Variants in ADCY10 observed in about 807,000 individuals in gnomAD.
ADCY10 encodes adenylate cyclase 10, also known as adenylate cyclase type 10.
ADCY10 carries 156 observed loss-of-function variants against 183.3 expected under a neutral mutation model. The ratio of observed to expected loss-of-function variants is 0.85; its 90% CI spans 0.75 to 0.97. The LOEUF is 0.97. ADCY10 is among the 50% of genes least tolerant of loss of function. The pLI is 0.00. For synonymous variants in ADCY10, 645 were observed against 670.0 expected, an observed-to-expected ratio of 0.96 and a Z score of 0.58; for missense variants, 1,745 against 1,934.3, an observed-to-expected ratio of 0.90 and a Z score of 1.84.
At position 167,810,705 on chromosome 1, in the gene ADCY10, T is replaced by C. The variant is rs1280766482; in HGVS notation, c.4671+20A>G. 2 of 1,613,790 alleles carry C rather than the reference T, an allele frequency of 1.2e-6. No individual in the cohort carries two copies. Among genetic ancestry groups the C allele is most frequent in the Non-Finnish European group, 8.5e-7 (1 of 1,179,846 alleles). ...ATGGGTGAGCATCGCCACCCCGGTT[T>C]GCTAGCTGATGATACATACTTTGTT... On this transcript the variant is annotated intron_variant, in intron 32 of 32. Transcript: ENST00000367851.
At chr1:167,834,552 G>A (rs988694882) in intron 23 of ADCY10, 1 of 251,190 alleles carries the variant, frequency 4.0e-6, no homozygotes, top group Non-Finnish European at 7.9e-6. Context: ...GGTGGATGAG[G>A]AAGTAAGTCC....
intron 5 of ADCY10, among the ~76,000 whole-genome samples, 199 bp downstream of exon 5, chr1:167,901,463 T>C (rs1363385242): frequency 6.6e-6 from 1 of 152,222 alleles, no homozygotes; most frequent in Admixed American, 6.5e-5. Flanking sequence ...ATTAGGTAGA[T>C]ATTATGATTA....
intron 21 of ADCY10, among the ~76,000 whole-genome samples, chr1:167,842,404 T>C (rs543881499): frequency 1.3e-5 from 2 of 152,288 alleles, no homozygotes; most frequent in African/African-American, 4.8e-5. Context: ...CAAGTGATCC[T>C]TCCACCTCAG....
At position 167,845,941 on chromosome 1, in the gene ADCY10, A is replaced by G. The variant is rs1466007177; in HGVS notation, c.2716+44T>C. ...AACATAGGTCAATTCTTTGATCTAG[A>G]TGGGTCCTTAAGAGGAAATTGGGTC... On this transcript the variant is annotated intron_variant, in intron 20 of 32. Coordinates refer to ENST00000367851, the MANE Select transcript of ADCY10 (RefSeq NM_018417.6). 1.1e-5 allele frequency: 18 copies of G among 1,613,990 alleles called. No homozygotes were observed. The East Asian group carries it at 3.6e-4, about 32-fold the overall frequency.
intron 8 of ADCY10, among the ~76,000 whole-genome samples, chr1:167,891,356 A>G (rs1237607139): frequency 6.6e-6 from 1 of 151,842 alleles, no homozygotes; most frequent in Non-Finnish European, 1.5e-5. Context: ...AGGCACAGGG[A>G]AAATAAAGGA....
At chr1:167,830,382 CAAAA>C (rs201698835) in intron 25 of ADCY10, among the ~76,000 whole-genome samples, 1 of 95,442 alleles carries the variant, frequency 1.0e-5, no homozygotes, top group Admixed American at 1.0e-4. Flanking sequence ...TTTTAGTTTA[CAAAA>C]AAAAAAAAAA....
chr1:167,823,198 G>A, intron 28 of ADCY10, 75 bp from the exon 29 acceptor site: 2 of 1,287,704 alleles, frequency 1.6e-6, no homozygotes, highest in Non-Finnish European at 2.2e-6. Flanking sequence ...AGGCTGAGGT[G>A]GGTGGATCAC....
intron 1 of ADCY10, among the ~76,000 whole-genome samples, chr1:167,909,732 A>G (rs1670033542): frequency 1.3e-5 from 2 of 152,174 alleles, no homozygotes; most frequent in Non-Finnish European, 2.9e-5. Flanking sequence ...ACACTCCCTC[A>G]GGCAAGGTAT....
intron 12 of ADCY10, 69 bp downstream of exon 12, chr1:167,878,376 AC>A: frequency 6.5e-7 from 1 of 1,534,706 alleles, no homozygotes; most frequent in African/African-American, 1.4e-5. Context: ...TAAATGGGTG[AC>A]TGCTTTGCTA....
In ADCY10 at chr1:167,809,675, A is replaced by G. The variant is rs774444517; in HGVS notation, c.*3T>C. ...CTTATTAAAATCTTTTTTCTTTGAC[A>G]TGTTAGAAATGATTGTCCACGGTAT... On this transcript the variant is annotated 3_prime_UTR_variant, in exon 33 of 33. Coordinates refer to ENST00000367851, the MANE Select transcript of ADCY10 (RefSeq NM_018417.6). 1.1e-5 allele frequency: 17 copies of G among 1,614,050 alleles called. 1 individual carries two copies. In the South Asian group the frequency reaches 1.6e-4, roughly 16 times the overall value.
intron 14 of ADCY10, among the ~76,000 whole-genome samples, chr1:167,868,503 C>T (rs1183199083): frequency 6.6e-6 from 1 of 152,158 alleles, no homozygotes; most frequent in African/African-American, 2.4e-5. Context: ...AAAATCCATT[C>T]AGTAAATTTC....
chr1:167,898,040 T>C (rs1209018823), intron 6 of ADCY10, among the ~76,000 whole-genome samples: 1 of 136,402 alleles, frequency 7.3e-6, no homozygotes, highest in Non-Finnish European at 1.6e-5. Flanking sequence ...CAAAATGCAA[T>C]GTGAGATCAT....
intron 7 of ADCY10, 83 bp from the exon 8 acceptor site, chr1:167,894,024 T>C (rs1182574291): frequency 1.1e-6 from 1 of 942,362 alleles, no homozygotes; most frequent in Non-Finnish European, 1.7e-6. Context: ...CCAGTCCCTA[T>C]TCTCTTGGGC....
intron 24 of ADCY10, among the ~76,000 whole-genome samples, chr1:167,833,644 C>T (rs1663956625): frequency 6.6e-6 from 1 of 151,050 alleles, no homozygotes; most frequent in Admixed American, 6.6e-5. Flanking sequence ...ACTTTGGAGG[C>T]TGAGGCAGGA....
At chr1:167,815,124 C>CCAA (rs753701881) in intron 31 of ADCY10, among the ~76,000 whole-genome samples, 75 of 151,814 alleles carry the variant, frequency 4.9e-4, no homozygotes, top group African/African-American at 7.2e-4. Context: ...GACTCTGTCT[C>CCAA]CAACAACAAC....
At position 167,831,476 on chromosome 1, in the gene ADCY10, G is replaced by A. The variant is rs537073845; in HGVS notation, c.3593+1511C>T. ...CCCTAAGCGTTGGTATTACAGGCGTGAGCCACAACACCCAGCCCTGGGTAA... is the reference window on the plus strand; with the variant it reads ...CCCTAAGCGTTGGTATTACAGGCGTAAGCCACAACACCCAGCCCTGGGTAA... On this transcript the variant is annotated intron_variant, in intron 25 of 32. Transcript: ENST00000367851. Among the ~76,000 whole-genome samples the A allele has an allele frequency of 1.3e-3, 199 of 152,310 alleles. 1 individual carries two copies. The highest frequency in any genetic ancestry group is 4.5e-3 in the African/African-American group (189 of 41,570).
intron 31 of ADCY10, among the ~76,000 whole-genome samples, chr1:167,813,592 C>T (rs1267558910): frequency 6.6e-6 from 1 of 152,014 alleles, no homozygotes; most frequent in Non-Finnish European, 1.5e-5. Flanking sequence ...AGTCAAAGCT[C>T]TAAGAAGAAA....
Position 167,848,374 on chromosome 1 carries a change from T to C in ADCY10, c.2424A>G (p.Pro808=), listed in dbSNP as rs1308136177. The change falls in exon 19 of 33, where the codon CCA becomes CCG. Residue 808 remains proline, a synonymous_variant. Transcript: ENST00000367851. Reference sequence around the variant, plus strand: ...AGATTTTCTTACCTTTTAATGACGTTGGAGGTGACAGGTTTTTCAGTCTGA... The same window carrying C: ...AGATTTTCTTACCTTTTAATGACGTCGGAGGTGACAGGTTTTTCAGTCTGA... ...SGVRLKNLSP[P]TSLKEISLIQ... is the part of the protein sequence containing the mutation. The C allele has an allele frequency of 6.2e-7, 1 of 1,613,522 alleles. No homozygotes were observed. Among genetic ancestry groups the C allele is most frequent in the Non-Finnish European group, 8.5e-7 (1 of 1,179,718 alleles).
At chr1:167,849,612 A>C (rs1665318994) in intron 18 of ADCY10, among the ~76,000 whole-genome samples, 1 of 152,252 alleles carries the variant, frequency 6.6e-6, no homozygotes, top group Non-Finnish European at 1.5e-5. Flanking sequence ...TGTGAATAAC[A>C]CATGCTTCCA....
Sources: allele counts gnomAD v4.1 joint callset (sites outside exome capture counted in the v4.1 genomes callset), GRCh38; gene constraint gnomAD v4.1.1; transcripts MANE v1.5; gene names NCBI Gene and HGNC (gene_info 2026-07-23, HGNC 2026-07-21).